Variants in DDX50 observed in about 807,000 individuals in gnomAD.
DDX50 encodes the protein DExD-box helicase 50.
DDX50 carries 56 observed loss-of-function variants against 94.8 expected under a neutral mutation model. The ratio of observed to expected loss-of-function variants is 0.59; its 90% CI spans 0.48 to 0.74. The LOEUF (loss-of-function observed/expected upper bound fraction) is 0.74, where lower values mean the gene tolerates loss of function less well. Ranked by LOEUF, DDX50 falls within the 30% of genes least tolerant of loss-of-function variation. DDX50 has a pLI of 0.00. For synonymous variants in DDX50, 264 were observed against 295.4 expected, an observed-to-expected ratio of 0.89 and a Z score of 1.09; for missense variants, 713 against 881.2, an observed-to-expected ratio of 0.81 and a Z score of 2.42.
chr10:68,943,771 CAG>C (rs1842603895), intron 14 of DDX50, among the ~76,000 whole-genome samples: 2 of 152,078 alleles, frequency 1.3e-5, no homozygotes, highest in Non-Finnish European at 2.9e-5. Context: ...TTTGTAGAAA[CAG>C]AGTCTGTAGC....
Position 68,941,153 on chromosome 10 carries a change from G to A in DDX50, c.1849G>A (p.Val617Met). Residue 617 changes from valine (V) to methionine (M), a missense_variant, in exon 13 of 15, where the codon GTG becomes ATG. Coordinates refer to ENST00000373585, the MANE Select transcript of DDX50 (RefSeq NM_024045.2). Reference sequence around the variant, plus strand: ...TAACAGAAAGCTGAGTAGTAATGCAGTGTCTCAGATTACCAGAATGTGCCT... The same window carrying A: ...TAACAGAAAGCTGAGTAGTAATGCAATGTCTCAGATTACCAGAATGTGCCT... Reference protein sequence around the residue: ...ELNRKLSSNAVSQITRMCLLK... With the variant: ...ELNRKLSSNAMSQITRMCLLK... 1 of 1,613,442 alleles carries A rather than the reference G, an allele frequency of 6.2e-7. No individual in the cohort carries two copies.
intron 7 of DDX50, among the ~76,000 whole-genome samples, chr10:68,918,544 T>C (rs560515870): frequency 6.8e-6 from 1 of 146,934 alleles, no homozygotes; most frequent in East Asian, 2.2e-4. Flanking sequence ...CAAGCAATTC[T>C]CCTTACTCAG....
chr10:68,905,461 C>CA (rs1448916129), intron 1 of DDX50, among the ~76,000 whole-genome samples: 1 of 151,776 alleles, frequency 6.6e-6, no homozygotes, highest in Admixed American at 6.6e-5. Flanking sequence ...TGTGAATTGT[C>CA]AAAGTGCAGG....
chr10:68,902,084 T>C (rs1327099836), intron 1 of DDX50, among the ~76,000 whole-genome samples: 1 of 151,322 alleles, frequency 6.6e-6, no homozygotes, highest in Non-Finnish European at 1.5e-5. Context: ...CCATACTCTT[T>C]GCTGAGTACC....
In DDX50 at chr10:68,910,394, G is replaced by GGTT. The variant is rs1259489462; in HGVS notation, c.460+22_460+24dup. The GGTT allele has an allele frequency of 2.6e-5, 41 of 1,585,312 alleles. No homozygotes were observed. The highest frequency in any genetic ancestry group is 3.5e-5 in the Non-Finnish European group (41 of 1,170,014). On this transcript the variant is annotated intron_variant, in intron 3 of 14. Transcript: ENST00000373585. ...AAAGCTTCTGAAAGGTATGCAGTTTGGTTGTTGTTGTTATTGTTGTTGTTT... is the reference window on the plus strand; with the variant it reads ...AAAGCTTCTGAAAGGTATGCAGTTTGGTTGTTGTTGTTGTTATTGTTGTTGTTT...
At chr10:68,926,739 G>T (rs188180237) in intron 8 of DDX50, among the ~76,000 whole-genome samples, 2 of 149,034 alleles carry the variant, frequency 1.3e-5, no homozygotes, top group Non-Finnish European at 3.0e-5. Context: ...ATGAATGAAT[G>T]AATCATTAAA....
intron 4 of DDX50, 52 bp downstream of exon 4, chr10:68,911,298 A>G: frequency 6.9e-7 from 1 of 1,442,996 alleles, no homozygotes; most frequent in South Asian, 1.7e-5. Context: ...CAGAAAGGGA[A>G]AGAAAGTTAC....
chr10:68,945,751 T>G (rs12261791), intron 14 of DDX50, among the ~76,000 whole-genome samples: 10,588 of 152,234 alleles, frequency 0.07, 473 homozygotes, highest in African/African-American at 0.12. Context: ...GTGGCTACAT[T>G]TTTTAGTCCT....
rs1409783124 is a variant in DDX50, at chr10:68,904,004, C to T, written c.87+2533C>T. 5.4e-5 allele frequency among the ~76,000 whole-genome samples: 8 copies of T among 146,900 alleles called. No homozygotes were observed. In the South Asian group the frequency reaches 6.5e-4, roughly 12 times the overall value. On this transcript the variant is annotated intron_variant, in intron 1 of 14. Coordinates refer to ENST00000373585, the MANE Select transcript of DDX50 (RefSeq NM_024045.2). ...AAAAAAAAAAAAAAAATTAGCTGGG[C>T]GTGGTGGCAGACGCCTGTAATCCCA...
Position 68,925,357 on chromosome 10 carries a change from G to A in DDX50, c.1239+5376G>A, listed in dbSNP as rs113198720. On this transcript the variant is annotated intron_variant, in intron 8 of 14. Coordinates refer to ENST00000373585, the MANE Select transcript of DDX50 (RefSeq NM_024045.2). ...ACTCTCGATCTCAGATGATCCACCC[G>A]CCTCGGCCTCCCAAAGTGCTGGGAT... Among the ~76,000 whole-genome samples the A allele has an allele frequency of 5.6e-3, 849 of 151,724 alleles. 14 individuals carry two copies. Among genetic ancestry groups the A allele is most frequent in the African/African-American group, 0.019 (797 of 41,354 alleles).
At chr10:68,930,306 C>T (rs1201626800) in intron 8 of DDX50, among the ~76,000 whole-genome samples, 3 of 151,704 alleles carry the variant, frequency 2.0e-5, no homozygotes, top group South Asian at 2.1e-4. Context: ...TTAGTAGAGA[C>T]GGGGTTTCAC....
chr10:68,903,963 A>G (rs1441400848), intron 1 of DDX50, among the ~76,000 whole-genome samples: 2 of 143,248 alleles, frequency 1.4e-5, no homozygotes, highest in Non-Finnish European at 3.0e-5. Flanking sequence ...GTGACAGAGC[A>G]AGACTCCGTC....
Position 68,910,402 on chromosome 10 carries a change from T to C in DDX50, c.460+20T>C, listed in dbSNP as rs79596082. 9,388 of 1,576,186 alleles carry C rather than the reference T, an allele frequency of 6.0e-3. 494 individuals carry two copies. In the African/African-American group the frequency reaches 0.11, roughly 19 times the overall value. ...TGAAAGGTATGCAGTTTGGTTGTTG[T>C]TGTTATTGTTGTTGTTTTGAGACAG... On this transcript the variant is annotated intron_variant, in intron 3 of 14. Coordinates refer to ENST00000373585, the MANE Select transcript of DDX50 (RefSeq NM_024045.2).
chr10:68,935,014 T>G, intron 10 of DDX50, 96 bp downstream of exon 10: 8 of 1,429,778 alleles, frequency 5.6e-6, no homozygotes, highest in Non-Finnish European at 7.4e-6. Flanking sequence ...TCTTCATAAC[T>G]TTTCTCAGTT....
chr10:68,902,259 A>C lies in DDX50; in HGVS notation c.87+788A>C, dbSNP rs189935305. On this transcript the variant is annotated intron_variant, in intron 1 of 14. Coordinates refer to ENST00000373585, the MANE Select transcript of DDX50 (RefSeq NM_024045.2). ...ACACTCAGAGGATCACAAGGTGCTG[A>C]AAAAATGCCCAGGTAAAATTATTAC... 2.4e-3 allele frequency among the ~76,000 whole-genome samples: 365 copies of C among 151,976 alleles called. 1 individual carries two copies. Among genetic ancestry groups the C allele is most frequent in the Middle Eastern group, 0.021 (6 of 292 alleles).
intron 1 of DDX50, among the ~76,000 whole-genome samples, chr10:68,904,501 G>A (rs1265787608): frequency 6.6e-6 from 1 of 152,206 alleles, no homozygotes; most frequent in East Asian, 1.9e-4. Flanking sequence ...TACTCAAGGA[G>A]CATCCACTGG....
At chr10:68,918,044 C>T (rs1362390796) in intron 7 of DDX50, among the ~76,000 whole-genome samples, 1 of 151,912 alleles carries the variant, frequency 6.6e-6, no homozygotes, top group Non-Finnish European at 1.5e-5. Flanking sequence ...CCTGCCTCAG[C>T]CTCCTGAGTA....
chr10:68,927,962 A>G (rs1045115167), intron 8 of DDX50, among the ~76,000 whole-genome samples: 1 of 152,172 alleles, frequency 6.6e-6, no homozygotes, highest in Non-Finnish European at 1.5e-5. Flanking sequence ...TTGAGGTTGT[A>G]ATGAGCTATG....
chr10:68,902,808 C>G (rs1564596947), intron 1 of DDX50, among the ~76,000 whole-genome samples: 1 of 152,242 alleles, frequency 6.6e-6, no homozygotes, highest in Non-Finnish European at 1.5e-5. Flanking sequence ...TCTTTCCTGA[C>G]AACCCGAATG....
Sources: gnomAD v4.1 joint callset for allele counts (sites outside exome capture counted in the v4.1 genomes callset) on GRCh38, gnomAD v4.1.1 for gene constraint, MANE v1.5 for transcripts, NCBI Gene and HGNC (gene_info 2026-07-23, HGNC 2026-07-21) for gene names.